The following NTM variants were observed in gnomAD, a reference collection of about 807,000 sequenced individuals.
NTM encodes the protein neurotrimin, also known as IgLON family member 2.
Under a neutral mutation model 42.1 loss-of-function variants are expected in NTM, and 13 were observed. That is an observed-to-expected ratio of 0.31 (90% CI 0.20 to 0.49). NTM has a LOEUF of 0.49. Among genes scored for constraint, NTM ranks in the 20% least tolerant of loss-of-function variants. The pLI, the probability that NTM is intolerant of heterozygous loss-of-function variation, is 0.99. For synonymous variants in NTM, 187 were observed against 179.2 expected, an observed-to-expected ratio of 1.04 and a Z score of -0.35; for missense variants, 373 against 452.8, an observed-to-expected ratio of 0.82 and a Z score of 1.60.
chr11:132,182,589 G>A (rs550777405), intron 3 of NTM, among the ~76,000 whole-genome samples: 1 of 152,188 alleles, frequency 6.6e-6, no homozygotes, highest in African/African-American at 2.4e-5. Context: ...AAACTGGAAA[G>A]TAATAATGAG....
chr11:131,697,420 T>C (rs562731041), intron 1 of NTM, among the ~76,000 whole-genome samples: 35 of 152,338 alleles, frequency 2.3e-4, no homozygotes, highest in African/African-American at 7.9e-4. Flanking sequence ...CCAGGACCTT[T>C]GGTAACCTTG....
intron 4 of NTM, among the ~76,000 whole-genome samples, chr11:132,216,521 C>T (rs908086770): frequency 2.5e-4 from 38 of 152,166 alleles, no homozygotes; most frequent in Non-Finnish European, 3.2e-4. Flanking sequence ...TCTAGGCTAC[C>T]TAGATAACAC....
chr11:131,767,078 C>T (rs189462737), intron 1 of NTM: 37 of 876,950 alleles, frequency 4.2e-5, no homozygotes, highest in Non-Finnish European at 4.9e-5. Flanking sequence ...TGTGTGTCTG[C>T]TTTTGTACCT....
At chr11:131,814,915 C>A (rs993954515) in intron 1 of NTM, among the ~76,000 whole-genome samples, 1 of 152,192 alleles carries the variant, frequency 6.6e-6, no homozygotes, top group African/African-American at 2.4e-5. Context: ...TCCTATATAT[C>A]TCTCCAAACC....
chr11:131,531,661 A>G (rs139805898), intron 1 of NTM, among the ~76,000 whole-genome samples: 7 of 152,318 alleles, frequency 4.6e-5, no homozygotes, highest in Middle Eastern at 3.4e-3. Flanking sequence ...GAATAATTAA[A>G]TATTTATCGA....
intron 1 of NTM, among the ~76,000 whole-genome samples, chr11:131,823,533 C>G (rs1298518742): frequency 1.3e-5 from 2 of 152,132 alleles, no homozygotes; most frequent in African/African-American, 2.4e-5. Context: ...AGTTCTATAT[C>G]TGGCTTTTGT....
chr11:131,696,796 C>G (rs1426356329), intron 1 of NTM, among the ~76,000 whole-genome samples: 3 of 152,138 alleles, frequency 2.0e-5, no homozygotes, highest in Non-Finnish European at 4.4e-5. Context: ...CACACACACA[C>G]ACACACACAC....
intron 1 of NTM, among the ~76,000 whole-genome samples, chr11:131,611,172 C>T (rs770310899): frequency 5.9e-5 from 9 of 152,054 alleles, no homozygotes; most frequent in Non-Finnish European, 1.3e-4. Flanking sequence ...GCCTTTGCAC[C>T]TGAGGAGGGA....
chr11:132,112,144 T>A, intron 2 of NTM, among the ~76,000 whole-genome samples: 1 of 152,248 alleles, frequency 6.6e-6, no homozygotes. Context: ...CTTTATGTGG[T>A]GCATTCTAGT....
chr11:131,596,200 C>G (rs1038791835), intron 1 of NTM, among the ~76,000 whole-genome samples: 4 of 152,198 alleles, frequency 2.6e-5, no homozygotes, highest in African/African-American at 9.7e-5. Flanking sequence ...TGATAGGAAA[C>G]CTTGATCTGG....
chr11:131,472,033 C>T (rs1039315701), intron 1 of NTM, among the ~76,000 whole-genome samples: 1 of 152,314 alleles, frequency 6.6e-6, no homozygotes, highest in East Asian at 1.9e-4. Flanking sequence ...TAACAGGAGG[C>T]ACTTCAAACC....
chr11:131,875,530 T>G (rs1374192031), intron 1 of NTM, among the ~76,000 whole-genome samples: 1 of 152,134 alleles, frequency 6.6e-6, no homozygotes, highest in African/African-American at 2.4e-5. Context: ...GCTGTTATAT[T>G]AGACGAAGAA....
chr11:131,787,557 T>G (rs565884154), intron 1 of NTM, among the ~76,000 whole-genome samples: 1 of 152,044 alleles, frequency 6.6e-6, no homozygotes. Context: ...AGCTAATTTT[T>G]GTATTTTTAG....
chr11:131,882,977 A>G (rs964414009), intron 1 of NTM, among the ~76,000 whole-genome samples: 1 of 152,312 alleles, frequency 6.6e-6, no homozygotes, highest in East Asian at 1.9e-4. Flanking sequence ...TGCAAAAAGC[A>G]CAAGCAGTCA....
intron 1 of NTM, among the ~76,000 whole-genome samples, chr11:131,846,974 G>T (rs2044985759): frequency 6.6e-6 from 1 of 152,182 alleles, no homozygotes; most frequent in Non-Finnish European, 1.5e-5. Flanking sequence ...CAGTGAGAAA[G>T]GTCTAGGGTC....
At chr11:132,169,391 A>AGTG (rs2075813568) in intron 3 of NTM, among the ~76,000 whole-genome samples, 1 of 112,768 alleles carries the variant, frequency 8.9e-6, no homozygotes. Context: ...GCTGGAGTGC[A>AGTG]GTGGCGGGAT....
At chr11:132,083,967 AT>A (rs1005143182) in intron 2 of NTM, among the ~76,000 whole-genome samples, 72 of 152,252 alleles carry the variant, frequency 4.7e-4, no homozygotes, top group African/African-American at 1.7e-3. Context: ...GAAAAAAAAA[AT>A]TAGCAATATT....
At chr11:131,488,524 G>A (rs1426575776) in intron 1 of NTM, among the ~76,000 whole-genome samples, 1 of 152,118 alleles carries the variant, frequency 6.6e-6, no homozygotes, top group Non-Finnish European at 1.5e-5. Flanking sequence ...CATTTTATTG[G>A]TCAGAGAAAC....
In NTM at chr11:132,148,441, C is replaced by T. The variant is rs560124343; in HGVS notation, c.400+1927C>T. On this transcript the variant is annotated intron_variant, in intron 3 of 8. Transcript: ENST00000683400. Reference sequence around the variant, plus strand: ...GTTTGGAAGCTATTGCTCAGCCCCCCTCCTGTCCTGCCCCAACCCCTGCAC... The same window carrying T: ...GTTTGGAAGCTATTGCTCAGCCCCCTTCCTGTCCTGCCCCAACCCCTGCAC... Among the ~76,000 whole-genome samples the T allele has an allele frequency of 9.2e-5, 14 of 152,244 alleles. No individual in the cohort carries two copies. The East Asian group carries it at 1.9e-3, about 21-fold the overall frequency.
Sources: allele counts gnomAD v4.1 joint callset (sites outside exome capture counted in the v4.1 genomes callset), GRCh38; gene constraint gnomAD v4.1.1; transcripts MANE v1.5; gene names NCBI Gene and HGNC (gene_info 2026-07-23, HGNC 2026-07-21).